The following CD37 variants were observed in gnomAD, a reference collection of about 807,000 sequenced individuals.
The protein encoded by CD37 is leukocyte antigen CD37.
Under a neutral mutation model 38.9 loss-of-function variants are expected in CD37, and 37 were observed. The observed-to-expected ratio is 0.95, with a 90% CI of 0.73 to 1.25. CD37 has a LOEUF of 1.25. Among genes scored for constraint, CD37 ranks in the 50% most tolerant of loss-of-function variants. The pLI, the probability that CD37 is intolerant of heterozygous loss-of-function variation, is 0.00. For missense variants in CD37, 351 were observed against 360.1 expected (o/e 0.97, Z 0.20); for synonymous variants, 146 against 150.1 (o/e 0.97, Z 0.20).
Position 49,335,810 on chromosome 19 carries a change from G to T in CD37, c.142+24G>T. 37 of 1,490,764 alleles carry T rather than the reference G, an allele frequency of 2.5e-5. No individual in the cohort carries two copies. The highest frequency in any genetic ancestry group is 3.2e-5 in the Non-Finnish European group (34 of 1,069,114). The allele number at this position is 1,490,764 out of a possible 1,614,324, so 92.3% of individuals were successfully genotyped here. On this transcript the variant is annotated intron_variant, in intron 2 of 7. Coordinates refer to ENST00000323906, the MANE Select transcript of CD37 (RefSeq NM_001774.3). The surrounding 1 kb of genome is among the most constrained non-coding windows in gnomAD (Gnocchi z 4.6). ...GGGTGAGGGGGGCTGGGGCAGGTGG[G>T]AGGGCCTCCCCCAACCCAAGCAACT...
At chr19:49,336,334 T>G (rs1358032772) in intron 2 of CD37, 1 of 158,644 alleles carries the variant, frequency 6.3e-6, no homozygotes, top group African/African-American at 2.4e-5. Flanking sequence ...GGCAGGTGGA[T>G]CACTTGAGGT....
chr19:49,335,985 A>T lies in CD37; in HGVS notation c.142+199A>T. ...GTGCATACAAACAACAATGATCATGAGAGCCATTTCTCAAGCACTTCCTAT... is the reference window on the plus strand; with the variant it reads ...GTGCATACAAACAACAATGATCATGTGAGCCATTTCTCAAGCACTTCCTAT... On this transcript the variant is annotated intron_variant, in intron 2 of 7. Coordinates refer to ENST00000323906, the MANE Select transcript of CD37 (RefSeq NM_001774.3). The surrounding 1 kb of genome is among the most constrained non-coding windows in gnomAD (Gnocchi z 4.6). 1.7e-6 allele frequency: 1 copy of T among 604,876 alleles called. No homozygotes were observed. The highest frequency in any genetic ancestry group is 2.9e-6 in the Non-Finnish European group (1 of 339,298). The allele number at this position is 604,876 out of a possible 1,614,324, so 37.5% of individuals were successfully genotyped here.
At position 49,338,880 on chromosome 19, in the gene CD37, T is replaced by C; in HGVS notation, c.628T>C (p.Ser210Pro). The C allele has an allele frequency of 6.2e-7, 1 of 1,614,024 alleles. No homozygotes were observed. Among genetic ancestry groups the C allele is most frequent in the Non-Finnish European group, 8.5e-7 (1 of 1,180,018 alleles). The change falls in exon 6 of 8, where the codon TCC becomes CCC. Residue 210 changes from serine (S) to proline (P), a missense_variant. Ser to Pro is a moderately conservative substitution (Grantham distance 74). Transcript: ENST00000323906. The surrounding 1 kb of genome is among the most constrained non-coding windows in gnomAD (Gnocchi z 5.0). Reference sequence around the variant, plus strand: ...CAGCAGGCTTGGACACCTGGCGCGGTCCAGACACAGTGCAGACATCTGCGC... The same window carrying C: ...CAGCAGGCTTGGACACCTGGCGCGGCCCAGACACAGTGCAGACATCTGCGC... The part of the protein sequence containing the change: ...QLSRLGHLAR[S>P]RHSADICAVP...
Position 49,335,600 on chromosome 19 carries a change from C to A in CD37, c.60C>A (p.Leu20=). 1.2e-6 allele frequency: 2 copies of A among 1,613,534 alleles called. No homozygotes were observed. The highest frequency in any genetic ancestry group is 1.7e-6 in the Non-Finnish European group (2 of 1,179,484). ...AGTACTTCCTCTTCGTTTTCAACCT[C>A]TTCTTCTTCGTGAGTTGCCTCATGG... ...LIKYFLFVFN[L]FFFVLGSLIF... is the part of the protein sequence containing the mutation. The change falls in exon 1 of 8, where the codon CTC becomes CTA. Residue 20 remains leucine, a synonymous_variant. Transcript: ENST00000323906. The surrounding 1 kb of genome is among the most constrained non-coding windows in gnomAD (Gnocchi z 4.6).
chr19:49,337,672 A>C, intron 4 of CD37: 1 of 1,523,986 alleles, frequency 6.6e-7, no homozygotes, highest in Non-Finnish European at 8.8e-7. Context: ...AAACAGCTCC[A>C]AAGGGAAACA....
chr19:49,336,107 G>A, intron 2 of CD37: 1 of 406,836 alleles, frequency 2.5e-6, no homozygotes, highest in South Asian at 4.1e-5. Context: ...ATACAGCAAG[G>A]ACGTAAAAGA....
At position 49,337,940 on chromosome 19, in the gene CD37, C is replaced by A. The variant is rs748115500; in HGVS notation, c.358C>A (p.Arg120=). The change falls in exon 5 of 8, where the codon CGG becomes AGG. Residue 120 remains arginine, a synonymous_variant. Transcript: ENST00000323906. ...TQRAQLERSL[R]DVVEKTIQKY... ...GGCCTCTCAGCTGGAGCGAAGCTTG[C>A]GGGACGTCGTAGAGAAAACCATCCA... is the stretch of plus-strand genomic sequence containing the variant. 3 of 1,613,948 alleles carry A rather than the reference C, an allele frequency of 1.9e-6. No individual in the cohort carries two copies. The highest frequency in any genetic ancestry group is 3.3e-5 in the Admixed American group (2 of 60,012).
chr19:49,340,006 C>A, intron 7 of CD37: 1 of 1,458,468 alleles, frequency 6.9e-7, no homozygotes. Flanking sequence ...AATAAAGGAC[C>A]CTGGGCTTGC....
chr19:49,339,942 AGAG>A lies in CD37; in HGVS notation c.769-304_769-302del, dbSNP rs1417298231. On this transcript the variant is annotated intron_variant, in intron 7 of 7. Transcript: ENST00000323906. This position sits in a 1 kb window ranked among gnomAD's most constrained non-coding sequence, Gnocchi z 4.5. ...ACACTGGAAGTGCGGGCGCAGAATT[AGAG>A]GAGGCACAATTAGAGGCTGAGGCAG... The A allele has an allele frequency of 2.2e-6, 3 of 1,387,526 alleles. No homozygotes were observed. In the African/African-American group the frequency reaches 4.4e-5, roughly 20 times the overall value. 86.0% of individuals were successfully genotyped at this position (1,387,526 alleles called of 1,614,324 possible). A position where few individuals can be genotyped will look rare whatever the true frequency, so the allele number is the denominator to read the frequency against.
In CD37 at chr19:49,339,794, G is replaced by T; in HGVS notation, c.768+381G>T. The T allele has an allele frequency of 7.3e-7, 1 of 1,361,748 alleles. No homozygotes were observed. The allele number at this position is 1,361,748 out of a possible 1,614,324, so 84.4% of individuals were successfully genotyped here. A position where few individuals can be genotyped will look rare whatever the true frequency, so the allele number is the denominator to read the frequency against. The stretch of plus-strand genomic sequence containing the variant: ...GACGGCGGCGGCGGGCACAGCGGCA[G>T]TCTGTGGGGTGGCTGGGGCATGGCG... On this transcript the variant is annotated intron_variant, in intron 7 of 7. Coordinates refer to ENST00000323906, the MANE Select transcript of CD37 (RefSeq NM_001774.3). This position sits in a 1 kb window ranked among gnomAD's most constrained non-coding sequence, Gnocchi z 4.5.
rs748929763 is a variant in CD37 at position 49,339,413 on chromosome 19, G to A, written c.768G>A (p.Glu256=). 26 of 1,613,280 alleles carry A rather than the reference G, an allele frequency of 1.6e-5. No individual in the cohort carries two copies. In the Admixed American group the frequency reaches 4.2e-4, roughly 26 times the overall value. Residue 256 remains glutamate (E), a splice_region_variant and synonymous_variant, in exon 7 of 8, where the codon GAG becomes GAA. Coordinates refer to ENST00000323906, the MANE Select transcript of CD37 (RefSeq NM_001774.3). The surrounding 1 kb of genome is among the most constrained non-coding windows in gnomAD (Gnocchi z 4.5). ...VGICLGVGLL[E]LGFMTLSIFL... is the part of the protein sequence containing the mutation. ...TTTGCCTGGGCGTCGGCCTACTCGA[G>A]GTGATCTGGCCCCGCCCCCACCCGC...
At position 49,339,326 on chromosome 19, in the gene CD37, C is replaced by G. The variant is rs370909429; in HGVS notation, c.685-4C>G. ...TCCCTTTAACTTTTCCCTACACCCCCCAGGGCTGCGCGCAGGGCCTCCAGA... is the reference window on the plus strand; with the variant it reads ...TCCCTTTAACTTTTCCCTACACCCCGCAGGGCTGCGCGCAGGGCCTCCAGA... On this transcript the variant is annotated splice_region_variant and splice_polypyrimidine_tract_variant and intron_variant, in intron 6 of 7. Coordinates refer to ENST00000323906, the MANE Select transcript of CD37 (RefSeq NM_001774.3). The surrounding 1 kb of genome is among the most constrained non-coding windows in gnomAD (Gnocchi z 4.5). The G allele has an allele frequency of 1.2e-6, 2 of 1,613,696 alleles. No homozygotes were observed. Among genetic ancestry groups the G allele is most frequent in the Non-Finnish European group, 8.5e-7 (1 of 1,179,660 alleles).
At chr19:49,336,809 C>A in intron 2 of CD37, 100 bp from the exon 3 acceptor site, 1 of 1,323,264 alleles carries the variant, frequency 7.6e-7, no homozygotes, top group Non-Finnish European at 1.1e-6. Flanking sequence ...GAGAGGGGCA[C>A]CAAGATACTG....
chr19:49,339,208 C>G lies in CD37; in HGVS notation c.685-122C>G. 1.2e-6 allele frequency: 1 copy of G among 863,040 alleles called. No individual in the cohort carries two copies. Among genetic ancestry groups the G allele is most frequent in the African/African-American group, 1.7e-5 (1 of 59,864 alleles). The allele number at this position is 863,040 out of a possible 1,614,324, so 53.5% of individuals were successfully genotyped here. On this transcript the variant is annotated intron_variant, in intron 6 of 7. Coordinates refer to ENST00000323906, the MANE Select transcript of CD37 (RefSeq NM_001774.3). The surrounding 1 kb of genome is among the most constrained non-coding windows in gnomAD (Gnocchi z 4.5). ...GTGCACTAGTAAGGAGACTAGAGTG[C>G]CCTGGTGACTAGGGGAGCGGGTAGA...
Position 49,335,995 on chromosome 19 carries a change from C to G in CD37, c.142+209C>G. On this transcript the variant is annotated intron_variant, in intron 2 of 7. Transcript: ENST00000323906. This position sits in a 1 kb window ranked among gnomAD's most constrained non-coding sequence, Gnocchi z 4.6. ...ACAACAATGATCATGAGAGCCATTT[C>G]TCAAGCACTTCCTATCTGTCGGGAC... 1 of 595,560 alleles carries G rather than the reference C, an allele frequency of 1.7e-6. No homozygotes were observed. Among genetic ancestry groups the G allele is most frequent in the South Asian group, 2.0e-5 (1 of 49,572 alleles). The allele number at this position is 595,560 out of a possible 1,614,324, so 36.9% of individuals were successfully genotyped here. A position where few individuals can be genotyped will look rare whatever the true frequency, so the allele number is the denominator to read the frequency against.
Position 49,335,686 on chromosome 19 carries a change from C to T in CD37, c.70-28C>T, listed in dbSNP as rs751020024. On this transcript the variant is annotated intron_variant, in intron 1 of 7. Transcript: ENST00000323906. This position sits in a 1 kb window ranked among gnomAD's most constrained non-coding sequence, Gnocchi z 4.6. ...AGCCCTCATCTTCCCCTGTGGCCCACCCCCGTATCCGCATCTCCTCTCCCC... is the reference window on the plus strand; with the variant it reads ...AGCCCTCATCTTCCCCTGTGGCCCATCCCCGTATCCGCATCTCCTCTCCCC... 4 of 1,612,608 alleles carry T rather than the reference C, an allele frequency of 2.5e-6. No individual in the cohort carries two copies. Among genetic ancestry groups the T allele is most frequent in the African/African-American group, 1.3e-5 (1 of 74,916 alleles).
At chr19:49,337,473 A>G (rs958023242) in intron 4 of CD37, among the ~76,000 whole-genome samples, 15 of 151,986 alleles carry the variant, frequency 9.9e-5, no homozygotes, top group African/African-American at 7.3e-5. Context: ...TTTAAAAAAA[A>G]AATCCGGGTG....
At chr19:49,337,478 C>A (rs145628446) in intron 4 of CD37, 14 of 612,034 alleles carry the variant, frequency 2.3e-5, no homozygotes, top group Non-Finnish European at 3.5e-5. Flanking sequence ...AAAAAAAATC[C>A]GGGTGTGATG....
Position 49,339,123 on chromosome 19 carries a change from G to A in CD37, c.684+187G>A, listed in dbSNP as rs993186878. Among the ~76,000 whole-genome samples the A allele has an allele frequency of 6.6e-6, 1 of 152,118 alleles. No homozygotes were observed. Among genetic ancestry groups the A allele is most frequent in the Admixed American group, 6.5e-5 (1 of 15,280 alleles). On this transcript the variant is annotated intron_variant, in intron 6 of 7. Transcript: ENST00000323906. The surrounding 1 kb of genome is among the most constrained non-coding windows in gnomAD (Gnocchi z 4.5). ...AGGGCAGGGCCTAAAGAAAAGGCTG[G>A]GCTGGCTCTGGAATACAGATGTCTA... is the stretch of plus-strand genomic sequence containing the variant.
Sources: allele counts gnomAD v4.1 joint callset (sites outside exome capture counted in the v4.1 genomes callset), GRCh38; gene constraint gnomAD v4.1.1; non-coding constraint Gnocchi (gnomAD v3.1); transcripts MANE v1.5; gene names NCBI Gene and HGNC (gene_info 2026-07-23, HGNC 2026-07-21).